Variants in CDH3 observed in about 807,000 individuals in gnomAD.
The protein encoded by CDH3 is cadherin 3.
A neutral mutation model predicts 82.0 loss-of-function variants in CDH3; 54 were observed. The observed-to-expected ratio is 0.66, with a 90% CI of 0.53 to 0.83. The LOEUF (loss-of-function observed/expected upper bound fraction) is 0.83, where lower values mean the gene tolerates loss of function less well. Ranked by LOEUF, CDH3 falls within the 40% of genes least tolerant of loss-of-function variation. The pLI, the probability that CDH3 is intolerant of heterozygous loss-of-function variation, is 0.00. For missense variants in CDH3, 1,054 were observed against 1,084.6 expected (o/e 0.97, Z 0.40); for synonymous variants, 446 against 437.9 (o/e 1.02, Z -0.23).
At chr16:68,668,653 A>G (rs1448092388) in intron 2 of CDH3, among the ~76,000 whole-genome samples, 2 of 152,154 alleles carry the variant, frequency 1.3e-5, no homozygotes, top group African/African-American at 2.4e-5. Flanking sequence ...AGCCCTCTCC[A>G]AATGCAGACT....
chr16:68,668,828 G>A (rs749897682), intron 2 of CDH3, among the ~76,000 whole-genome samples: 3 of 152,154 alleles, frequency 2.0e-5, no homozygotes, highest in Non-Finnish European at 4.4e-5. Context: ...CAGAAGCCTA[G>A]GTTAATTGTA....
At chr16:68,725,545 G>C (rs1962210803) in intron 2 of CDH3, among the ~76,000 whole-genome samples, 1 of 151,898 alleles carries the variant, frequency 6.6e-6, no homozygotes, top group Admixed American at 6.6e-5. Flanking sequence ...ATGTTAGCCA[G>C]GATGGTCTCG....
chr16:68,682,137 GGACAT>G (rs1961245088), intron 8 of CDH3, among the ~76,000 whole-genome samples, 160 bp from the exon 9 acceptor site: 1 of 152,176 alleles, frequency 6.6e-6, no homozygotes, highest in Non-Finnish European at 1.5e-5. Flanking sequence ...CTGCTGCTGG[GGACAT>G]CCTGCCGCTG....
intron 1 of CDH3, among the ~76,000 whole-genome samples, chr16:68,720,417 G>C (rs566563021): frequency 6.6e-6 from 1 of 152,110 alleles, no homozygotes; most frequent in Admixed American, 6.6e-5. Flanking sequence ...TCTGGGACTT[G>C]CTGGTGACCT....
chr16:68,692,093 G>T (rs148838637), intron 13 of CDH3, among the ~76,000 whole-genome samples, 167 bp downstream of exon 13: 945 of 152,288 alleles, frequency 6.2e-3, no homozygotes, highest in Middle Eastern at 0.014. Context: ...CTGGAATGCA[G>T]TGGCATGATC....
At chr16:68,703,939 T>C (rs1220901644), downstream of CDH3, among the ~76,000 whole-genome samples, 2 of 151,168 alleles carry the variant, frequency 1.3e-5, no homozygotes, top group African/African-American at 4.9e-5. Flanking sequence ...AGAGCGAGAC[T>C]CCGTCTCAAA....
chr16:68,692,392 G>C (rs1269068348), intron 13 of CDH3, among the ~76,000 whole-genome samples: 1 of 152,158 alleles, frequency 6.6e-6, no homozygotes, highest in African/African-American at 2.4e-5. Flanking sequence ...TCTTTCTGGG[G>C]CTTGTGGAAT....
chr16:68,657,036 C>G (rs1487812779), intron 2 of CDH3, among the ~76,000 whole-genome samples: 4 of 152,144 alleles, frequency 2.6e-5, no homozygotes, highest in Admixed American at 2.6e-4. Flanking sequence ...TCCTCACTCG[C>G]TCCTCCTCCC....
chr16:68,690,934 A>G (rs1961552186), intron 12 of CDH3, among the ~76,000 whole-genome samples: 1 of 151,930 alleles, frequency 6.6e-6, no homozygotes, highest in Admixed American at 6.6e-5. Flanking sequence ...AGTTGGAAAT[A>G]TGGGTGTTTC....
At position 68,684,713 on chromosome 16, in the gene CDH3, C is replaced by G; in HGVS notation, c.1313C>G (p.Pro438Arg). ...CACGTGGAGGATGTGAATGAGGCAC[C>G]TGTGTTTGTCCCACCCTCCAAAGTC... ...VVHVEDVNEA[P>R]VFVPPSKVVE... The change falls in exon 10 of 16, where the codon CCT becomes CGT. Residue 438 changes from proline to arginine, a missense_variant. Physicochemically the swap from Pro to Arg is moderately radical, Grantham distance 103. Coordinates refer to ENST00000264012, the MANE Select transcript of CDH3 (RefSeq NM_001793.6). 1 of 1,614,212 alleles carries G rather than the reference C, an allele frequency of 6.2e-7. No individual in the cohort carries two copies. The highest frequency in any genetic ancestry group is 8.5e-7 in the Non-Finnish European group (1 of 1,180,040).
chr16:68,682,500 G>C lies in CDH3; in HGVS notation c.1182+13G>C, dbSNP rs571252497. 2.9e-5 allele frequency: 46 copies of C among 1,613,676 alleles called. No homozygotes were observed. The highest frequency in any genetic ancestry group is 1.3e-4 in the South Asian group (12 of 91,064). ...GACAACCAGGAAGGTGAGTCAGTTC[G>C]GGCCTCAGACAATGGCTATACCTGG... On this transcript the variant is annotated intron_variant, in intron 9 of 15. Coordinates refer to ENST00000264012, the MANE Select transcript of CDH3 (RefSeq NM_001793.6).
intron 13 of CDH3, among the ~76,000 whole-genome samples, chr16:68,694,577 G>T (rs137920885): frequency 6.7e-6 from 1 of 149,184 alleles, no homozygotes; most frequent in African/African-American, 2.5e-5. Context: ...AGCCGAGATT[G>T]CACCAGTGCA....
At chr16:68,710,667 A>C (rs1188713059) in intron 1 of CDH3, among the ~76,000 whole-genome samples, 1 of 151,062 alleles carries the variant, frequency 6.6e-6, no homozygotes, top group African/African-American at 2.4e-5. Flanking sequence ...AACATGGCAA[A>C]ACCCCGTCTC....
intron 8 of CDH3, 95 bp from the exon 9 acceptor site, chr16:68,682,207 A>T: frequency 1.5e-6 from 2 of 1,374,282 alleles, no homozygotes; most frequent in Non-Finnish European, 2.0e-6. Context: ...GGGTAAAGGC[A>T]TGGGGATCCC....
Position 68,695,294 on chromosome 16 carries a change from G to A in CDH3, c.2042G>A (p.Arg681Gln), listed in dbSNP as rs758614807. Residue 681 changes from arginine to glutamine, a missense_variant, in exon 14 of 16, where the codon CGG (arginine) becomes CAG (glutamine). Arg to Gln is a conservative substitution (Grantham distance 43). Transcript: ENST00000264012. ...LVLLLLVRKKRKIKEPLLLPE... is the reference protein window; with the variant it reads ...LVLLLLVRKKQKIKEPLLLPE... Reference sequence around the variant, plus strand: ...CTGCTTTTGTTGGTGAGAAAGAAGCGGAAGATCAAGGAGCCCCTCCTACTC... The same window carrying A: ...CTGCTTTTGTTGGTGAGAAAGAAGCAGAAGATCAAGGAGCCCCTCCTACTC... The A allele has an allele frequency of 9.7e-5, 156 of 1,614,076 alleles. 1 individual carries two copies. The Middle Eastern group carries it at 3.5e-3, about 36-fold the overall frequency.
intron 2 of CDH3, among the ~76,000 whole-genome samples, chr16:68,654,242 G>A (rs1258118082): frequency 6.7e-6 from 1 of 149,694 alleles, no homozygotes; most frequent in African/African-American, 2.5e-5. Context: ...TGTATTTTTA[G>A]TAGAGACAGG....
rs144030414 is a variant in CDH3 at position 68,687,631 on chromosome 16, G to A, written c.1690G>A (p.Val564Met). Reference protein sequence around the residue: ...TICNQSPVRQVLNITDKDLSP... With the variant: ...TICNQSPVRQMLNITDKDLSP... ...CTGCAACCAAAGCCCTGTGCGCCAG[G>A]TGCTGAACATCACGGACAAGGACCT... Residue 564 changes from valine to methionine, a missense_variant, in exon 12 of 16, where the codon GTG (valine) becomes ATG (methionine). Coordinates refer to ENST00000264012, the MANE Select transcript of CDH3 (RefSeq NM_001793.6). The A allele has an allele frequency of 4.2e-5, 67 of 1,613,934 alleles. No individual in the cohort carries two copies. The highest frequency in any genetic ancestry group is 6.7e-5 in the East Asian group (3 of 44,870).
chr16:68,695,692 G>A (rs1961699333), intron 14 of CDH3, 85 bp from the exon 15 acceptor site: 1 of 1,484,360 alleles, frequency 6.7e-7, no homozygotes. Context: ...TATCCAAAGG[G>A]TAGGGGGTGT....
At chr16:68,710,373 A>C (rs377297201) in intron 1 of CDH3, among the ~76,000 whole-genome samples, 2 of 152,336 alleles carry the variant, frequency 1.3e-5, no homozygotes. Context: ...GTGGTTCTCA[A>C]CCAGGGGTAG....
Sources: allele counts gnomAD v4.1 joint callset (sites outside exome capture counted in the v4.1 genomes callset), GRCh38; gene constraint gnomAD v4.1.1; transcripts MANE v1.5; gene names NCBI Gene and HGNC (gene_info 2026-07-23, HGNC 2026-07-21).